The following MBP variants were observed in gnomAD, a reference collection of about 807,000 sequenced individuals.
MBP encodes Golli-MBP.
MBP carries 16 observed loss-of-function variants against 35.8 expected under a neutral mutation model. That is an observed-to-expected ratio of 0.45 (90% CI 0.30 to 0.68). The LOEUF is 0.68. Ranked by LOEUF, MBP falls within the 30% of genes least tolerant of loss-of-function variation. The probability of loss-of-function intolerance (pLI) is 0.08; values close to 1 mark genes in which losing one functional copy is unlikely to be tolerated. For synonymous variants in MBP, 143 were observed against 159.6 expected, an observed-to-expected ratio of 0.90 and a Z score of 0.78; for missense variants, 380 against 404.7, an observed-to-expected ratio of 0.94 and a Z score of 0.52.
intron 3 of MBP, among the ~76,000 whole-genome samples, chr18:77,035,522 G>C (rs1972728250): frequency 6.6e-6 from 1 of 152,220 alleles, no homozygotes; most frequent in Non-Finnish European, 1.5e-5. Context: ...AGGAAGGCCA[G>C]TGCTCTCCCT....
intron 4 of MBP, chr18:77,005,967 C>T (rs1970945673): frequency 6.6e-6 from 1 of 152,322 alleles, no homozygotes; most frequent in Admixed American, 6.5e-5. Flanking sequence ...ACGCTTTTGC[C>T]ACCATTGCTG....
intron 4 of MBP, among the ~76,000 whole-genome samples, chr18:77,011,461 G>A (rs978986328): frequency 2.0e-5 from 3 of 152,186 alleles, no homozygotes; most frequent in African/African-American, 4.8e-5. Flanking sequence ...GCATGTTCTC[G>A]TGGCTCTGGT....
At chr18:76,986,865 A>G in intron 7 of MBP, 5 of 985,402 alleles carry the variant, frequency 5.1e-6, no homozygotes, top group Non-Finnish European at 6.0e-6. Flanking sequence ...CCTCCTTTCC[A>G]ATCCTTAGTC....
chr18:77,104,124 C>T (rs1976160356), intron 2 of MBP, among the ~76,000 whole-genome samples: 1 of 152,186 alleles, frequency 6.6e-6, no homozygotes, highest in Non-Finnish European at 1.5e-5. Context: ...AGGCTGAGGA[C>T]CTTGGACTTT....
chr18:77,064,458 C>T (rs1470584731), intron 3 of MBP, among the ~76,000 whole-genome samples: 1 of 152,174 alleles, frequency 6.6e-6, no homozygotes, highest in Admixed American at 6.5e-5. Flanking sequence ...AGCACTGAGT[C>T]CCTTTTGCAC....
intron 8 of MBP, chr18:76,984,310 C>T (rs886953693): frequency 6.0e-6 from 1 of 165,408 alleles, no homozygotes; most frequent in African/African-American, 2.4e-5. Context: ...GGCATTCGTC[C>T]TGGGTCTGGT....
chr18:77,026,877 A>G (rs1345592225), intron 3 of MBP, among the ~76,000 whole-genome samples: 3 of 152,170 alleles, frequency 2.0e-5, no homozygotes, highest in African/African-American at 7.2e-5. Context: ...AAATAAATAC[A>G]TAATTTTTTT....
At chr18:77,021,882 C>T (rs1972004719) in intron 3 of MBP, among the ~76,000 whole-genome samples, 2 of 152,098 alleles carry the variant, frequency 1.3e-5, no homozygotes, top group South Asian at 2.1e-4. Context: ...CAGCGGGTGG[C>T]CTTTTTTGAA....
At chr18:77,083,777 C>G (rs1336155557) in intron 2 of MBP, among the ~76,000 whole-genome samples, 1 of 152,196 alleles carries the variant, frequency 6.6e-6, no homozygotes, top group Non-Finnish European at 1.5e-5. Context: ...TCATTCCACT[C>G]AGACGTAATA....
In MBP at chr18:76,989,156, A is replaced by G; in HGVS notation, c.682-244T>C. 1.5e-6 allele frequency: 1 copy of G among 673,226 alleles called. No homozygotes were observed. The allele number at this position is 673,226 out of a possible 1,614,324, so 41.7% of individuals were successfully genotyped here. On this transcript the variant is annotated intron_variant, in intron 5 of 8. Transcript: ENST00000355994. This position sits in a 1 kb window ranked among gnomAD's most constrained non-coding sequence, Gnocchi z 4.0. Reference sequence around the variant, plus strand: ...TTTCAGAGGATGGAAAACACCTCCCAGAGGCTCCGTAGCTGGGGAATGGGC... The same window carrying G: ...TTTCAGAGGATGGAAAACACCTCCCGGAGGCTCCGTAGCTGGGGAATGGGC...
chr18:77,112,169 G>GCA lies in MBP; in HGVS notation c.-25-6885_-25-6884dup, dbSNP rs6146398. 3.1e-3 allele frequency among the ~76,000 whole-genome samples: 466 copies of GCA among 150,990 alleles called. 1 individual carries two copies. The highest frequency in any genetic ancestry group is 5.7e-3 in the African/African-American group (234 of 41,088). ...CCCGTAGAATGAACACCGTGCACAC[G>GCA]CACACACACACACACACACACGTGC... On this transcript the variant is annotated intron_variant, in intron 1 of 8. Coordinates refer to ENST00000355994, the MANE Select transcript of MBP (RefSeq NM_001025101.2).
chr18:77,018,242 G>A (rs941212695), intron 3 of MBP, among the ~76,000 whole-genome samples: 34 of 105,356 alleles, frequency 3.2e-4, no homozygotes, highest in Middle Eastern at 9.1e-3. Flanking sequence ...TCATCCATCC[G>A]TTCACCCATC....
At chr18:77,053,972 T>C (rs1489939228) in intron 3 of MBP, among the ~76,000 whole-genome samples, 1 of 152,208 alleles carries the variant, frequency 6.6e-6, no homozygotes, top group Non-Finnish European at 1.5e-5. Flanking sequence ...TCTGCATCCT[T>C]CTTCCTCTTG....
intron 4 of MBP, among the ~76,000 whole-genome samples, chr18:77,001,323 CTAGATACACGGGTG>C (rs1446677122): frequency 6.6e-6 from 1 of 152,256 alleles, no homozygotes; most frequent in Non-Finnish European, 1.5e-5. Flanking sequence ...GAGTAAATCA[CTAGATACACGGGTG>C]TAGATACACC....
At chr18:77,004,378 A>G (rs1228442573) in intron 4 of MBP, 3 of 152,156 alleles carry the variant, frequency 2.0e-5, no homozygotes, top group Non-Finnish European at 4.4e-5. Context: ...TTTAAAAGCA[A>G]GATCAGGGCA....
chr18:77,108,721 A>C (rs1197234672), intron 1 of MBP: 1 of 152,290 alleles, frequency 6.6e-6, no homozygotes, highest in Non-Finnish European at 1.5e-5. Context: ...AAAGCAGCTT[A>C]GACTACATGT....
intron 2 of MBP, among the ~76,000 whole-genome samples, chr18:77,096,312 ATAG>A (rs1568337736): frequency 6.6e-6 from 1 of 152,154 alleles, no homozygotes. Context: ...TGTCATTTTA[ATAG>A]TATCTGGAGA....
chr18:77,113,423 C>T (rs112082280), intron 1 of MBP: 1,971 of 152,414 alleles, frequency 0.013, 54 homozygotes, highest in African/African-American at 0.045. Context: ...ACTCTGCCAA[C>T]GCCTTGACTT....
chr18:77,033,859 T>C (rs1161537219), intron 3 of MBP, among the ~76,000 whole-genome samples: 3 of 151,150 alleles, frequency 2.0e-5, no homozygotes, highest in Admixed American at 1.3e-4. Flanking sequence ...TCCATCCACA[T>C]ATCCATTTAT....
Sources: gnomAD v4.1 joint callset for allele counts (sites outside exome capture counted in the v4.1 genomes callset) on GRCh38, gnomAD v4.1.1 for gene constraint, Gnocchi (gnomAD v3.1) non-coding constraint, MANE v1.5 for transcripts, NCBI Gene and HGNC (gene_info 2026-07-23, HGNC 2026-07-21) for gene names.